The following NKAIN2 variants were observed in gnomAD, a reference collection of about 807,000 sequenced individuals.
NKAIN2 encodes sodium/potassium transporting ATPase interacting 2.
NKAIN2 carries 14 observed loss-of-function variants against 32.6 expected under a neutral mutation model. That is an observed-to-expected ratio of 0.43 (90% CI 0.28 to 0.67). The LOEUF is 0.67. Ranked by LOEUF, NKAIN2 falls within the 30% of genes least tolerant of loss-of-function variation. The pLI is 0.17. For synonymous variants in NKAIN2, 80 were observed against 87.2 expected, an observed-to-expected ratio of 0.92 and a Z score of 0.46; for missense variants, 198 against 258.3, an observed-to-expected ratio of 0.77 and a Z score of 1.60.
At chr6:124,388,854 T>A (rs1360608260) in intron 3 of NKAIN2, among the ~76,000 whole-genome samples, 1 of 152,086 alleles carries the variant, frequency 6.6e-6, no homozygotes, top group Non-Finnish European at 1.5e-5. Context: ...TATGCTTTTT[T>A]TGTCAGTGAT....
At chr6:123,980,261 A>G (rs1170033889) in intron 1 of NKAIN2, among the ~76,000 whole-genome samples, 1 of 152,186 alleles carries the variant, frequency 6.6e-6, no homozygotes, top group East Asian at 1.9e-4. Flanking sequence ...CCTGAAATAA[A>G]TGTCTTTTTT....
At chr6:124,664,157 C>G (rs1205063404) in intron 4 of NKAIN2, among the ~76,000 whole-genome samples, 1 of 151,864 alleles carries the variant, frequency 6.6e-6, no homozygotes, top group African/African-American at 2.4e-5. Flanking sequence ...TGCATGTCAT[C>G]CCAGCTACTC....
At chr6:124,223,138 G>T (rs1002844929) in intron 1 of NKAIN2, among the ~76,000 whole-genome samples, 17 of 149,642 alleles carry the variant, frequency 1.1e-4, no homozygotes, top group African/African-American at 4.2e-4. Flanking sequence ...ATTTCGACCC[G>T]GGAGGTGGAG....
At chr6:124,640,871 C>A (rs1783959790) in intron 3 of NKAIN2, among the ~76,000 whole-genome samples, 3 of 152,120 alleles carry the variant, frequency 2.0e-5, no homozygotes, top group African/African-American at 7.2e-5. Flanking sequence ...CCTTCCCTCT[C>A]ATCCTTCCTT....
At chr6:124,553,120 A>T (rs1780351276) in intron 3 of NKAIN2, among the ~76,000 whole-genome samples, 2 of 152,174 alleles carry the variant, frequency 1.3e-5, no homozygotes, top group African/African-American at 4.8e-5. Context: ...TGGATGAAAA[A>T]TTTCAAAATT....
chr6:124,483,008 G>A (rs570778007), intron 3 of NKAIN2, among the ~76,000 whole-genome samples: 1 of 152,176 alleles, frequency 6.6e-6, no homozygotes, highest in Non-Finnish European at 1.5e-5. Flanking sequence ...TGTAGTCCCA[G>A]CTACTCGGGA....
At chr6:124,147,396 A>G (rs924728369) in intron 1 of NKAIN2, among the ~76,000 whole-genome samples, 1 of 152,080 alleles carries the variant, frequency 6.6e-6, no homozygotes, top group African/African-American at 2.4e-5. Flanking sequence ...TCTCCACCAT[A>G]CATGAGCAAG....
intron 1 of NKAIN2, among the ~76,000 whole-genome samples, chr6:123,907,721 C>G (rs1426383749): frequency 6.6e-6 from 1 of 152,074 alleles, no homozygotes; most frequent in African/African-American, 2.4e-5. Flanking sequence ...ATGAATCCAT[C>G]CCCTCATTCC....
chr6:124,131,014 A>C (rs1480034025), intron 1 of NKAIN2, among the ~76,000 whole-genome samples: 2 of 152,234 alleles, frequency 1.3e-5, no homozygotes. Context: ...TGCTGAAGAC[A>C]GTCAATACTA....
At chr6:124,453,123 T>C (rs1237368878) in intron 3 of NKAIN2, among the ~76,000 whole-genome samples, 1 of 152,068 alleles carries the variant, frequency 6.6e-6, no homozygotes, top group Non-Finnish European at 1.5e-5. Context: ...TGCCAGGTTC[T>C]GTGATGGATG....
At chr6:124,774,780 C>T (rs1050773927) in intron 4 of NKAIN2, among the ~76,000 whole-genome samples, 5 of 148,440 alleles carry the variant, frequency 3.4e-5, no homozygotes, top group Admixed American at 1.4e-4. Context: ...TGCTTGAGCC[C>T]GGGAGGTAGA....
At position 124,546,875 on chromosome 6, in the gene NKAIN2, A is replaced by G. The variant is rs1780113374; in HGVS notation, c.274-111311A>G. ...CAGGCAGAGAGATAAACAGAGAGAA[A>G]GCAGATGGCCCATTACAAAAGTGTC... is the stretch of plus-strand genomic sequence containing the variant. On this transcript the variant is annotated intron_variant, in intron 3 of 6. Coordinates refer to ENST00000368417, the MANE Select transcript of NKAIN2 (RefSeq NM_001040214.3). Among the ~76,000 whole-genome samples, 2 of 152,192 alleles carry G rather than the reference A, an allele frequency of 1.3e-5. 1 individual carries two copies. Among genetic ancestry groups the G allele is most frequent in the South Asian group, 4.1e-4 (2 of 4,838 alleles).
intron 3 of NKAIN2, among the ~76,000 whole-genome samples, chr6:124,518,185 TTCTC>T (rs1359991326): frequency 1.3e-5 from 2 of 151,828 alleles, no homozygotes; most frequent in East Asian, 3.9e-4. Context: ...CATGCGAAAA[TTCTC>T]TCTGCACATT....
chr6:123,928,272 G>A (rs1368855516), intron 1 of NKAIN2, among the ~76,000 whole-genome samples: 1 of 152,118 alleles, frequency 6.6e-6, no homozygotes, highest in South Asian at 2.1e-4. Context: ...TGAGGTGAGT[G>A]CAAGGACTGA....
chr6:124,268,538 A>G (rs1794606965), intron 1 of NKAIN2, among the ~76,000 whole-genome samples: 1 of 152,090 alleles, frequency 6.6e-6, no homozygotes, highest in African/African-American at 2.4e-5. Flanking sequence ...GTAGAAAAAA[A>G]ACTCTATTAC....
intron 3 of NKAIN2, among the ~76,000 whole-genome samples, chr6:124,575,840 G>C (rs1583463529): frequency 6.6e-6 from 1 of 152,246 alleles, no homozygotes; most frequent in Middle Eastern, 3.4e-3. Context: ...AAGTCCCTGA[G>C]ACCTATTTAG....
chr6:123,848,023 G>T (rs925086427), intron 1 of NKAIN2, among the ~76,000 whole-genome samples: 1 of 152,158 alleles, frequency 6.6e-6, no homozygotes, highest in African/African-American at 2.4e-5. Context: ...CTGTAGCTAA[G>T]AATTAAATAG....
At chr6:124,377,225 AT>A (rs1483544602) in intron 3 of NKAIN2, among the ~76,000 whole-genome samples, 1 of 152,158 alleles carries the variant, frequency 6.6e-6, no homozygotes, top group East Asian at 1.9e-4. Flanking sequence ...ACCATTTACC[AT>A]TATTCTCTTA....
At chr6:124,808,719 T>C (rs1780722404) in intron 5 of NKAIN2, among the ~76,000 whole-genome samples, 1 of 152,218 alleles carries the variant, frequency 6.6e-6, no homozygotes, top group Non-Finnish European at 1.5e-5. Context: ...GATATGATTG[T>C]ATATCTAGAA....
Sources: gnomAD v4.1 joint callset for allele counts (sites outside exome capture counted in the v4.1 genomes callset) on GRCh38, gnomAD v4.1.1 for gene constraint, MANE v1.5 for transcripts, NCBI Gene and HGNC (gene_info 2026-07-23, HGNC 2026-07-21) for gene names.